The following PLXDC2 variants were observed in gnomAD, a reference collection of about 807,000 sequenced individuals.
PLXDC2 encodes the protein plexin domain containing 2.
Under a neutral mutation model 68.9 loss-of-function variants are expected in PLXDC2, and 40 were observed. That is an observed-to-expected ratio of 0.58 (90% CI 0.45 to 0.76). The LOEUF is 0.76. Among genes scored for constraint, PLXDC2 ranks in the 30% least tolerant of loss-of-function variants. PLXDC2 has a pLI of 0.00. For synonymous variants in PLXDC2, 243 were observed against 234.2 expected, an observed-to-expected ratio of 1.04 and a Z score of -0.34; for missense variants, 644 against 661.9, an observed-to-expected ratio of 0.97 and a Z score of 0.30.
intron 12 of PLXDC2, among the ~76,000 whole-genome samples, chr10:20,222,411 A>G (rs974006474): frequency 1.3e-5 from 2 of 152,172 alleles, no homozygotes. Flanking sequence ...CAGAGTTACA[A>G]TCTGCTAAGT....
chr10:20,220,738 T>C (rs1835198757), intron 12 of PLXDC2, among the ~76,000 whole-genome samples: 1 of 152,146 alleles, frequency 6.6e-6, no homozygotes, highest in Admixed American at 6.6e-5. Flanking sequence ...TGAACAAGGC[T>C]TAGACAAATC....
intron 4 of PLXDC2, among the ~76,000 whole-genome samples, chr10:20,139,040 A>G (rs1833968323): frequency 6.6e-6 from 1 of 152,246 alleles, no homozygotes; most frequent in African/African-American, 2.4e-5. Flanking sequence ...TAATAAATCT[A>G]TAATGATTGA....
chr10:20,256,725 A>G (rs558984341), intron 13 of PLXDC2, among the ~76,000 whole-genome samples: 3 of 151,558 alleles, frequency 2.0e-5, no homozygotes, highest in Admixed American at 2.0e-4. Context: ...ACTGTGATCC[A>G]GTAGCTTATA....
At chr10:20,117,998 A>G (rs1399769487) in intron 4 of PLXDC2, among the ~76,000 whole-genome samples, 2 of 152,104 alleles carry the variant, frequency 1.3e-5, no homozygotes, top group South Asian at 2.1e-4. Flanking sequence ...GTATAAAATC[A>G]ATGTACTTTA....
intron 1 of PLXDC2, among the ~76,000 whole-genome samples, chr10:19,937,557 T>TATATATATATATATATAC (rs1554846751): frequency 4.9e-5 from 4 of 81,276 alleles, no homozygotes; most frequent in African/African-American, 2.0e-4. Flanking sequence ...TATATATATA[T>TATATATATATATATATAC]ATATATATAT....
At chr10:19,916,659 A>G (rs1168640890) in intron 1 of PLXDC2, among the ~76,000 whole-genome samples, 1 of 152,044 alleles carries the variant, frequency 6.6e-6, no homozygotes, top group Non-Finnish European at 1.5e-5. Context: ...ATACCAAGCA[A>G]CTCAAGTCCA....
In PLXDC2 at chr10:19,949,153, G is replaced by A. The variant is rs906229001; in HGVS notation, c.113-52622G>A. On this transcript the variant is annotated intron_variant, in intron 1 of 13. Transcript: ENST00000377252. ...AAAAAAAAAAAAAAAAAAAAGAATAGACATACGTTATATATTTACATTTTA... is the reference window on the plus strand; with the variant it reads ...AAAAAAAAAAAAAAAAAAAAGAATAAACATACGTTATATATTTACATTTTA... Among the ~76,000 whole-genome samples, 1,091 of 129,386 alleles carry A rather than the reference G, an allele frequency of 8.4e-3. 14 individuals carry two copies. The highest frequency in any genetic ancestry group is 0.028 in the African/African-American group (963 of 33,988). The allele number at this position is 129,386 out of a possible 152,430, so 84.9% of individuals were successfully genotyped here.
chr10:20,225,679 T>G (rs954465786), intron 12 of PLXDC2, among the ~76,000 whole-genome samples: 8 of 152,344 alleles, frequency 5.3e-5, no homozygotes, highest in Admixed American at 5.2e-4. Context: ...TAACTTTTTC[T>G]GTACATTTAA....
In PLXDC2 at chr10:19,870,673, G is replaced by T. The variant is rs150972453; in HGVS notation, c.112+53482G>T. On this transcript the variant is annotated intron_variant, in intron 1 of 13. Transcript: ENST00000377252. ...ACTCCTGACCTGAAGTGATCTGCCT[G>T]CCTTGGCCTCCCAAAGTGCTGGGAT... 4.6e-3 allele frequency among the ~76,000 whole-genome samples: 703 copies of T among 152,230 alleles called. 5 individuals are homozygous for T. Among genetic ancestry groups the T allele is most frequent in the African/African-American group, 0.016 (680 of 41,552 alleles).
chr10:20,020,549 C>A (rs895246349), intron 2 of PLXDC2, among the ~76,000 whole-genome samples: 2 of 140,952 alleles, frequency 1.4e-5, no homozygotes, highest in Non-Finnish European at 3.3e-5. Context: ...TATCTCTGTT[C>A]ATGAGAGATA....
At chr10:20,209,127 G>C (rs1009422494) in intron 9 of PLXDC2, among the ~76,000 whole-genome samples, 4 of 152,142 alleles carry the variant, frequency 2.6e-5, no homozygotes, top group South Asian at 2.1e-4. Flanking sequence ...CAGGAAACAG[G>C]GTTTGAGAGC....
chr10:19,823,091 A>G (rs901859984), intron 1 of PLXDC2, among the ~76,000 whole-genome samples: 3 of 151,492 alleles, frequency 2.0e-5, no homozygotes, highest in African/African-American at 7.3e-5. Flanking sequence ...AATTTTTTGT[A>G]TTTTTTAGTA....
rs531361741 is a variant in PLXDC2, at chr10:19,897,741, T to C, written c.112+80550T>C. On this transcript the variant is annotated intron_variant, in intron 1 of 13. Transcript: ENST00000377252. ...AAAGCTGACACCATGAGAAATTAAA[T>C]GATTTGTCCAAGACCTTGGAGCCAG... 1.4e-4 allele frequency among the ~76,000 whole-genome samples: 21 copies of C among 152,294 alleles called. 1 individual carries two copies. In the East Asian group the frequency reaches 4.1e-3, roughly 29 times the overall value.
intron 4 of PLXDC2, among the ~76,000 whole-genome samples, chr10:20,139,014 A>G: frequency 6.6e-6 from 1 of 152,244 alleles, no homozygotes; most frequent in East Asian, 1.9e-4. Flanking sequence ...CAGATTAGTA[A>G]ATACATAGTT....
intron 9 of PLXDC2, among the ~76,000 whole-genome samples, chr10:20,192,131 A>T (rs905018019): frequency 6.6e-6 from 1 of 152,014 alleles, no homozygotes; most frequent in Non-Finnish European, 1.5e-5. Flanking sequence ...GAACTGGTGG[A>T]GGCAGGACTT....
chr10:20,235,963 GT>G (rs1463362719), intron 12 of PLXDC2, among the ~76,000 whole-genome samples: 3 of 152,074 alleles, frequency 2.0e-5, no homozygotes, highest in African/African-American at 7.2e-5. Context: ...ACTCTACTAA[GT>G]TTTTTGTGTA....
At chr10:19,958,582 T>TA (rs113912399) in intron 1 of PLXDC2, among the ~76,000 whole-genome samples, 3,206 of 152,280 alleles carry the variant, frequency 0.021, 52 homozygotes, top group Middle Eastern at 0.075. Flanking sequence ...GAACTGCATG[T>TA]AAAATATGAT....
At chr10:20,234,727 C>A (rs866348125) in intron 12 of PLXDC2, among the ~76,000 whole-genome samples, 1 of 146,914 alleles carries the variant, frequency 6.8e-6, no homozygotes, top group Non-Finnish European at 1.5e-5. Flanking sequence ...ACACAGCACA[C>A]ACATAGAATT....
rs1210066445 is a variant in PLXDC2 at position 20,140,116 on chromosome 10, C to G, written c.542-3179C>G. Among the ~76,000 whole-genome samples the G allele has an allele frequency of 5.9e-5, 9 of 151,910 alleles. No homozygotes were observed. In the East Asian group the frequency reaches 1.7e-3, roughly 29 times the overall value. On this transcript the variant is annotated intron_variant, in intron 4 of 13. Coordinates refer to ENST00000377252, the MANE Select transcript of PLXDC2 (RefSeq NM_032812.9). ...GAGATCGAGACCATCCTGGCTAACA[C>G]AGTAAAACCCCCTCTCTACTAAAAA...
Sources: gnomAD v4.1 joint callset for allele counts (sites outside exome capture counted in the v4.1 genomes callset) on GRCh38, gnomAD v4.1.1 for gene constraint, MANE v1.5 for transcripts, NCBI Gene and HGNC (gene_info 2026-07-23, HGNC 2026-07-21) for gene names.